TMCO4: variants seen among roughly 807,000 people sequenced by gnomAD.
The protein encoded by TMCO4 is transmembrane and coiled-coil domains 4.
In TMCO4, 58 loss-of-function variants were observed where a neutral mutation model predicts 64.7. The ratio of observed to expected loss-of-function variants is 0.90; its 90% CI spans 0.73 to 1.12. TMCO4 has a LOEUF of 1.12. Ranked by LOEUF, TMCO4 falls within the 50% of genes most tolerant of loss-of-function variation. The pLI, the probability that TMCO4 is intolerant of heterozygous loss-of-function variation, is 0.00. For missense variants in TMCO4, 780 were observed against 825.9 expected (o/e 0.94, Z 0.68); for synonymous variants, 325 against 346.1 (o/e 0.94, Z 0.68).
chr1:19,751,120 C>T (rs2042004552), intron 7 of TMCO4, among the ~76,000 whole-genome samples: 1 of 152,214 alleles, frequency 6.6e-6, no homozygotes, highest in Non-Finnish European at 1.5e-5. Flanking sequence ...ATTTCCAACT[C>T]CCCATCCTCA....
intron 13 of TMCO4, among the ~76,000 whole-genome samples, chr1:19,733,228 C>T (rs2095437771): frequency 6.6e-6 from 1 of 152,038 alleles, no homozygotes; most frequent in African/African-American, 2.4e-5. Flanking sequence ...GATGGCACCA[C>T]TGCACTCCAG....
chr1:19,792,097 C>T (rs75970166), intron 2 of TMCO4, among the ~76,000 whole-genome samples: 4,581 of 152,276 alleles, frequency 0.03, 229 homozygotes, highest in African/African-American at 0.1. Flanking sequence ...CCCAATCACA[C>T]GGAACTATGC....
intron 7 of TMCO4, among the ~76,000 whole-genome samples, chr1:19,749,876 T>TG (rs2041953034): frequency 6.6e-6 from 1 of 152,150 alleles, no homozygotes; most frequent in African/African-American, 2.4e-5. Flanking sequence ...GAGACTTATT[T>TG]GGGGGTCACT....
rs2095432753 is a variant in TMCO4 at position 19,732,164 on chromosome 1, T to C, written c.1264+5208A>G. 6.6e-6 allele frequency among the ~76,000 whole-genome samples: 1 copy of C among 152,118 alleles called. No individual in the cohort carries two copies. Among genetic ancestry groups the C allele is most frequent in the Non-Finnish European group, 1.5e-5 (1 of 68,008 alleles). The stretch of plus-strand genomic sequence containing the variant: ...TGCTGCTCACATTTGGAATAAGCTA[T>C]GGCTAACTAAGGGACAGACCCCTCT... On this transcript the variant is annotated intron_variant, in intron 13 of 15. Transcript: ENST00000294543. This position sits in a 1 kb window ranked among gnomAD's most constrained non-coding sequence, Gnocchi z 4.8.
chr1:19,751,609 C>T (rs1235112307), intron 7 of TMCO4, among the ~76,000 whole-genome samples: 2 of 151,350 alleles, frequency 1.3e-5, no homozygotes, highest in Non-Finnish European at 3.0e-5. Flanking sequence ...CTGTCTCCCC[C>T]ATCTCCCTCA....
At chr1:19,733,638 T>A (rs1019798744) in intron 13 of TMCO4, among the ~76,000 whole-genome samples, 1 of 152,146 alleles carries the variant, frequency 6.6e-6, no homozygotes, top group Non-Finnish European at 1.5e-5. Flanking sequence ...GCCTCATATA[T>A]ATATTTTGGG....
At chr1:19,699,607 A>ACAGTGGTGCGATCTTAGCT (rs1439328535) in intron 14 of TMCO4, among the ~76,000 whole-genome samples, 1 of 151,834 alleles carries the variant, frequency 6.6e-6, no homozygotes, top group Non-Finnish European at 1.5e-5. Flanking sequence ...CACCTGGAGT[A>ACAGTGGTGCGATCTTAGCT]CAGTGGTGCG....
intron 9 of TMCO4, 88 bp from the exon 10 acceptor site, chr1:19,745,739 A>C: frequency 6.7e-7 from 1 of 1,481,568 alleles, no homozygotes; most frequent in Non-Finnish European, 9.1e-7. Flanking sequence ...ACATGCACAC[A>C]GTGAGCACCA....
chr1:19,702,069 A>C (rs745921649), intron 13 of TMCO4, among the ~76,000 whole-genome samples: 1 of 152,016 alleles, frequency 6.6e-6, no homozygotes, highest in Non-Finnish European at 1.5e-5. Flanking sequence ...TCCTGGGTTC[A>C]CACCATTCTC....
intron 6 of TMCO4, among the ~76,000 whole-genome samples, chr1:19,764,149 C>T (rs1397337196): frequency 6.6e-6 from 1 of 152,232 alleles, no homozygotes; most frequent in Non-Finnish European, 1.5e-5. Flanking sequence ...ATTCAGGCCT[C>T]ATCCAACCCT....
intron 13 of TMCO4, among the ~76,000 whole-genome samples, chr1:19,711,030 G>A (rs927359076): frequency 1.3e-5 from 2 of 152,158 alleles, no homozygotes; most frequent in Non-Finnish European, 1.5e-5. Flanking sequence ...ATCCTGCTAC[G>A]GGAACTCAAT....
intron 2 of TMCO4, among the ~76,000 whole-genome samples, chr1:19,796,404 A>C (rs12401588): frequency 6.6e-6 from 1 of 152,038 alleles, no homozygotes; most frequent in Non-Finnish European, 1.5e-5. Flanking sequence ...CTCCTTGGAC[A>C]TAATGGCCGG....
chr1:19,685,710 C>CTTTTTTTTTTTTTTTTTTTT (rs55783904), intron 15 of TMCO4, among the ~76,000 whole-genome samples: 1 of 106,614 alleles, frequency 9.4e-6, no homozygotes, highest in Non-Finnish European at 1.9e-5. Context: ...AGGCCTGTTT[C>CTTTTTTTTTTTTTTTTTTTT]TTTTTTTTTT....
At chr1:19,720,005 ATTTTTT>A (rs56755114) in intron 13 of TMCO4, among the ~76,000 whole-genome samples, 1 of 116,954 alleles carries the variant, frequency 8.6e-6, no homozygotes, top group African/African-American at 3.3e-5. Context: ...AAGGAAAATA[ATTTTTT>A]TTTTTTTTTT....
intron 14 of TMCO4, among the ~76,000 whole-genome samples, chr1:19,700,277 C>A (rs1032410904): frequency 6.6e-6 from 1 of 152,104 alleles, no homozygotes; most frequent in Non-Finnish European, 1.5e-5. Flanking sequence ...GGCTCCTGCA[C>A]GCTGGCGGCC....
At chr1:19,689,668 C>A (rs957138027) in intron 15 of TMCO4, among the ~76,000 whole-genome samples, 12 of 152,378 alleles carry the variant, frequency 7.9e-5, no homozygotes, top group African/African-American at 2.4e-4. Flanking sequence ...GAAATCAGAT[C>A]TTGTGAGGGC....
chr1:19,757,852 CA>C (rs2042335858), intron 6 of TMCO4, among the ~76,000 whole-genome samples: 1 of 152,154 alleles, frequency 6.6e-6, no homozygotes, highest in African/African-American at 2.4e-5. Flanking sequence ...AATTTTAGGT[CA>C]AATTCTTTGT....
rs184384307 is a variant in TMCO4 at position 19,720,533 on chromosome 1, T to A, written c.1264+16839A>T. Among the ~76,000 whole-genome samples, 673 of 152,318 alleles carry A rather than the reference T, an allele frequency of 4.4e-3. 2 individuals are homozygous for A. Among genetic ancestry groups the A allele is most frequent in the Non-Finnish European group, 7.7e-3 (525 of 68,026 alleles). ...GAGCTCCTGTTCCTATTTGTTTTTC[T>A]CTGGGTCCTAATGTTTTATATTTGC... On this transcript the variant is annotated intron_variant, in intron 13 of 15. Transcript: ENST00000294543.
intron 13 of TMCO4, among the ~76,000 whole-genome samples, chr1:19,708,759 G>A (rs1023071737): frequency 1.3e-5 from 2 of 152,266 alleles, no homozygotes; most frequent in East Asian, 3.9e-4. Flanking sequence ...AAACAGCTGG[G>A]AAGGCAGCAC....
Sources: allele counts gnomAD v4.1 joint callset (sites outside exome capture counted in the v4.1 genomes callset), GRCh38; gene constraint gnomAD v4.1.1; non-coding constraint Gnocchi (gnomAD v3.1); transcripts MANE v1.5; gene names NCBI Gene and HGNC (gene_info 2026-07-23, HGNC 2026-07-21).